RYR2: variants seen among roughly 807,000 people sequenced by gnomAD.
RYR2 encodes ryanodine receptor 2, also known as cardiac muscle ryanodine receptor-calcium release channel.
RYR2 carries 227 observed loss-of-function variants against 601.1 expected under a neutral mutation model. The ratio of observed to expected loss-of-function variants is 0.38; its 90% CI spans 0.34 to 0.42. RYR2 has a LOEUF of 0.42. Ranked by LOEUF, RYR2 falls within the 10% of genes least tolerant of loss-of-function variation. RYR2 has a pLI of 1.00. For missense variants in RYR2, 4,646 were observed against 6,156.5 expected (o/e 0.75, Z 8.21); for synonymous variants, 2,223 against 2,175.1 (o/e 1.02, Z -0.61).
intron 16 of RYR2, among the ~76,000 whole-genome samples, chr1:237,468,525 C>T (rs980053013): frequency 1.3e-5 from 2 of 152,042 alleles, no homozygotes; most frequent in African/African-American, 4.8e-5. Flanking sequence ...TCTAAATCCA[C>T]GGAAATGATA....
intron 23 of RYR2, among the ~76,000 whole-genome samples, chr1:237,509,239 C>G (rs978752172): frequency 6.6e-6 from 1 of 152,154 alleles, no homozygotes; most frequent in South Asian, 2.1e-4. Context: ...GGTGTTCTCT[C>G]ATCTAATGTA....
chr1:237,452,046 T>C lies in RYR2; in HGVS notation c.1293-2345T>C, dbSNP rs368082572. On this transcript the variant is annotated intron_variant, in intron 14 of 104. Coordinates refer to ENST00000366574, the MANE Select transcript of RYR2 (RefSeq NM_001035.3). ...CTTCAGGGAAGGGAGCTCTATTCTT[T>C]TGGCCTGGGGTGGGGAATATATATA... 4.5e-4 allele frequency among the ~76,000 whole-genome samples: 59 copies of C among 130,812 alleles called. 1 individual carries two copies. The South Asian group carries it at 0.015, about 34-fold the overall frequency. 85.8% of individuals were successfully genotyped at this position (130,812 alleles called of 152,430 possible).
chr1:237,778,936 T>G (rs1428222987), intron 88 of RYR2, among the ~76,000 whole-genome samples, 166 bp downstream of exon 88: 1 of 152,354 alleles, frequency 6.6e-6, no homozygotes, highest in African/African-American at 2.4e-5. Flanking sequence ...CATTAAAATT[T>G]TTTAAAAATA....
intron 79 of RYR2, 85 bp downstream of exon 79, chr1:237,733,841 T>C (rs1573726241): frequency 1.1e-6 from 1 of 915,272 alleles, no homozygotes; most frequent in East Asian, 2.5e-5. Flanking sequence ...AATCTGTGTA[T>C]TTCATTAATT....
At chr1:237,660,977 T>C in intron 56 of RYR2, 30 bp downstream of exon 56, 1 of 1,326,512 alleles carries the variant, frequency 7.5e-7, no homozygotes, top group Non-Finnish European at 9.7e-7. Flanking sequence ...ATGAATCAAC[T>C]GTTTATGTTA....
intron 1 of RYR2, among the ~76,000 whole-genome samples, chr1:237,105,221 G>A (rs970565076): frequency 2.6e-5 from 4 of 152,320 alleles, no homozygotes; most frequent in South Asian, 2.1e-4. Context: ...CTAGGTGCCC[G>A]AAATATGCTG....
At chr1:237,718,811 G>T (rs1487751537) in intron 73 of RYR2, among the ~76,000 whole-genome samples, 2 of 152,046 alleles carry the variant, frequency 1.3e-5, no homozygotes, top group African/African-American at 4.8e-5. Flanking sequence ...AAGTTTTAGG[G>T]TACATATGCA....
chr1:237,749,004 CA>C (rs1459195532), intron 80 of RYR2, among the ~76,000 whole-genome samples: 2 of 152,140 alleles, frequency 1.3e-5, no homozygotes, highest in African/African-American at 4.8e-5. Flanking sequence ...TAAGTGCAAA[CA>C]CTATAACATT....
At chr1:237,360,187 T>C (rs1385017083) in intron 4 of RYR2, among the ~76,000 whole-genome samples, 1 of 152,238 alleles carries the variant, frequency 6.6e-6, no homozygotes, top group Non-Finnish European at 1.5e-5. Context: ...TTTTTAAAAA[T>C]ATATGGAGTC....
intron 27 of RYR2, among the ~76,000 whole-genome samples, chr1:237,565,231 T>C (rs2148239415): frequency 6.8e-6 from 1 of 146,610 alleles, no homozygotes; most frequent in Middle Eastern, 3.4e-3. Flanking sequence ...TTCTTTTGTC[T>C]TTCTTTCTTT....
chr1:237,559,928 T>C (rs1671284388), intron 27 of RYR2, among the ~76,000 whole-genome samples: 1 of 152,254 alleles, frequency 6.6e-6, no homozygotes, highest in Non-Finnish European at 1.5e-5. Context: ...CATGGTCAGC[T>C]GATGGTAGGA....
intron 1 of RYR2, among the ~76,000 whole-genome samples, chr1:237,109,374 C>A (rs1669163256): frequency 6.6e-6 from 1 of 151,272 alleles, no homozygotes; most frequent in Non-Finnish European, 1.5e-5. Flanking sequence ...AAAGAATATG[C>A]AGTTAAATTC....
At chr1:237,685,289 G>A (rs1558216751) in intron 62 of RYR2, among the ~76,000 whole-genome samples, 1 of 152,182 alleles carries the variant, frequency 6.6e-6, no homozygotes, top group African/African-American at 2.4e-5. Flanking sequence ...CACAGGAGGG[G>A]AAAGAGTTAC....
chr1:237,461,608 A>C lies in RYR2; in HGVS notation c.1612+4873A>C, dbSNP rs550802025. Among the ~76,000 whole-genome samples the C allele has an allele frequency of 3.3e-5, 5 of 152,154 alleles. No homozygotes were observed. The East Asian group carries it at 9.7e-4, about 29-fold the overall frequency. On this transcript the variant is annotated intron_variant, in intron 16 of 104. Transcript: ENST00000366574. ...GAGAGATCTTGATATTATATTTTTC[A>C]TTATTCTGAATCTATTAACATGCAT...
Position 237,548,590 on chromosome 1 carries a change from G to C in RYR2, c.3066G>C (p.Gln1022His). 1 of 1,613,164 alleles carries C rather than the reference G, an allele frequency of 6.2e-7. No individual in the cohort carries two copies. Among genetic ancestry groups the C allele is most frequent in the Non-Finnish European group, 8.5e-7 (1 of 1,179,562 alleles). ...IRQGWTYGIQQDVKNRRNPRL... is the reference protein window; with the variant it reads ...IRQGWTYGIQHDVKNRRNPRL... ...AGGGCTGGACTTATGGCATCCAACA[G>C]GTACATGGGAATTAGCATTTGGTCT... The change falls in exon 26 of 105, where the codon CAG becomes CAC. Residue 1022 changes from glutamine (Q) to histidine (H), a missense_variant and splice_region_variant. Transcript: ENST00000366574.
At chr1:237,433,302 A>C (rs1265638485) in intron 12 of RYR2, among the ~76,000 whole-genome samples, 8 of 151,544 alleles carry the variant, frequency 5.3e-5, no homozygotes, top group South Asian at 2.1e-4. Context: ...CTAAAACTAC[A>C]CTCACATATA....
At chr1:237,290,724 T>A (rs1450443224) in intron 2 of RYR2, among the ~76,000 whole-genome samples, 2 of 152,128 alleles carry the variant, frequency 1.3e-5, no homozygotes, top group Non-Finnish European at 2.9e-5. Flanking sequence ...GAGAAGATAT[T>A]TTCAACATGT....
rs141924019 is a variant in RYR2, at chr1:237,640,373, T to C, written c.7116-524T>C. ...GGGGAGGGAGATATGTTGAGATATG[T>C]TGGATTCTTTGGCAGGGGTTGCAGG... On this transcript the variant is annotated intron_variant, in intron 46 of 104. Transcript: ENST00000366574. Among the ~76,000 whole-genome samples the C allele has an allele frequency of 4.6e-5, 7 of 152,316 alleles. No individual in the cohort carries two copies. In the East Asian group the frequency reaches 1.3e-3, roughly 29 times the overall value.
intron 1 of RYR2, among the ~76,000 whole-genome samples, chr1:237,045,961 T>C (rs955858621): frequency 4.0e-5 from 6 of 149,584 alleles, no homozygotes; most frequent in African/African-American, 1.5e-4. Flanking sequence ...TACTGTGTCA[T>C]GTAGTTTTGT....
Sources: gnomAD v4.1 joint callset for allele counts (sites outside exome capture counted in the v4.1 genomes callset) on GRCh38, gnomAD v4.1.1 for gene constraint, MANE v1.5 for transcripts, NCBI Gene and HGNC (gene_info 2026-07-23, HGNC 2026-07-21) for gene names.